Variants in MNAT1 observed in about 807,000 individuals in gnomAD.
MNAT1 encodes CDK-activating kinase assembly factor MAT1.
MNAT1 carries 43 observed loss-of-function variants against 42.0 expected under a neutral mutation model. The ratio of observed to expected loss-of-function variants is 1.02; its 90% CI spans 0.80 to 1.32. MNAT1 has a LOEUF of 1.32. Among genes scored for constraint, MNAT1 ranks in the 40% most tolerant of loss-of-function variants. The pLI, the probability that MNAT1 is intolerant of heterozygous loss-of-function variation, is 0.00. For synonymous variants in MNAT1, 118 were observed against 120.0 expected (o/e 0.98, Z 0.11); for missense variants, 306 against 350.4 (o/e 0.87, Z 1.01).
At chr14:60,897,512 A>C (rs2034981490) in intron 7 of MNAT1, among the ~76,000 whole-genome samples, 2 of 152,098 alleles carry the variant, frequency 1.3e-5, no homozygotes, top group African/African-American at 4.8e-5. Context: ...TTTATGATAA[A>C]ATATCTTTAT....
At chr14:60,841,579 C>T (rs1566789809) in intron 6 of MNAT1, among the ~76,000 whole-genome samples, 1 of 152,136 alleles carries the variant, frequency 6.6e-6, no homozygotes. Flanking sequence ...GTATTAATAT[C>T]CTTGTCCTGC....
At chr14:60,746,587 A>G (rs369753334) in intron 1 of MNAT1, among the ~76,000 whole-genome samples, 19 of 151,096 alleles carry the variant, frequency 1.3e-4, no homozygotes, top group African/African-American at 3.9e-4. Context: ...TAATAAAACT[A>G]TTCGTATTAG....
intron 7 of MNAT1, among the ~76,000 whole-genome samples, chr14:60,913,080 C>T (rs1163485039): frequency 6.6e-6 from 1 of 152,132 alleles, no homozygotes; most frequent in South Asian, 2.1e-4. Context: ...TTCATTTCAT[C>T]TTCCACCGCT....
chr14:60,830,184 A>T (rs1355107381), intron 6 of MNAT1, among the ~76,000 whole-genome samples: 2 of 152,222 alleles, frequency 1.3e-5, no homozygotes. Context: ...TTTCACATTT[A>T]AAAATGAGTA....
chr14:60,749,842 C>A (rs1277004242), intron 1 of MNAT1, among the ~76,000 whole-genome samples: 1 of 152,134 alleles, frequency 6.6e-6, no homozygotes, highest in East Asian at 1.9e-4. Context: ...TGATTTTCTT[C>A]AGGTTTCAAA....
chr14:60,920,195 C>T (rs72722300), intron 7 of MNAT1: 4,824 of 151,974 alleles, frequency 0.032, 115 homozygotes, highest in Non-Finnish European at 0.05. Flanking sequence ...CAGCAGAGCC[C>T]AAGCCCACCA....
At chr14:60,945,894 A>T (rs1042459004) in intron 7 of MNAT1, among the ~76,000 whole-genome samples, 2 of 152,058 alleles carry the variant, frequency 1.3e-5, no homozygotes, top group Admixed American at 6.6e-5. Flanking sequence ...CCCTCTTTAT[A>T]CTCAGCAACT....
rs749276295 is a variant in MNAT1, at chr14:60,767,464, T to G, written c.90-28753T>G. Among the ~76,000 whole-genome samples the G allele has an allele frequency of 3.7e-4, 56 of 152,230 alleles. 1 individual carries two copies. The highest frequency in any genetic ancestry group is 3.7e-3 in the Admixed American group (56 of 15,282). Reference sequence around the variant, plus strand: ...AGTTTTGGGGCCTATTTTAAGGGACTTAAGATACATAGAGGATGGCTGAAG... The same window carrying G: ...AGTTTTGGGGCCTATTTTAAGGGACGTAAGATACATAGAGGATGGCTGAAG... On this transcript the variant is annotated intron_variant, in intron 1 of 7. Transcript: ENST00000261245.
Position 60,760,401 on chromosome 14 carries a change from G to A in MNAT1, c.89+25450G>A, listed in dbSNP as rs964145377. Among the ~76,000 whole-genome samples the A allele has an allele frequency of 4.6e-5, 7 of 151,922 alleles. No individual in the cohort carries two copies. The East Asian group carries it at 9.6e-4, about 21-fold the overall frequency. On this transcript the variant is annotated intron_variant, in intron 1 of 7. Coordinates refer to ENST00000261245, the MANE Select transcript of MNAT1 (RefSeq NM_002431.4). ...AGTGCCTTTCCCCCACCACACTTGC[G>A]TAACATGCAGGATTTCATAAAGGCT...
At chr14:60,789,214 A>G (rs2031742785) in intron 1 of MNAT1, among the ~76,000 whole-genome samples, 1 of 152,116 alleles carries the variant, frequency 6.6e-6, no homozygotes, top group Admixed American at 6.5e-5. Flanking sequence ...AGTTGGAGGA[A>G]CAGTCAGTTG....
At chr14:60,885,863 A>G (rs967889331) in intron 7 of MNAT1, among the ~76,000 whole-genome samples, 8 of 151,786 alleles carry the variant, frequency 5.3e-5, no homozygotes, top group Admixed American at 2.0e-4. Context: ...GATCTTTCTC[A>G]CTATGTTTTC....
At chr14:60,943,041 T>C (rs866275289) in intron 7 of MNAT1, among the ~76,000 whole-genome samples, 6 of 107,158 alleles carry the variant, frequency 5.6e-5, no homozygotes, top group East Asian at 2.4e-4. Flanking sequence ...TGTGTGTGTG[T>C]GTGTGTGTGC....
intron 1 of MNAT1, among the ~76,000 whole-genome samples, chr14:60,788,369 G>C (rs987973491): frequency 4.6e-5 from 7 of 152,110 alleles, no homozygotes; most frequent in Non-Finnish European, 8.8e-5. Context: ...TCCATTTATA[G>C]AGCACAGGCA....
intron 3 of MNAT1, among the ~76,000 whole-genome samples, chr14:60,807,735 A>T (rs1340730623): frequency 1.3e-5 from 2 of 152,128 alleles, no homozygotes; most frequent in Non-Finnish European, 2.9e-5. Context: ...TGGTTCTCTT[A>T]AGAAATTCTT....
chr14:60,917,785 G>C (rs1337414924), intron 7 of MNAT1, among the ~76,000 whole-genome samples: 1 of 151,914 alleles, frequency 6.6e-6, no homozygotes, highest in African/African-American at 2.4e-5. Context: ...ACCACACCCG[G>C]CTAACTTTTT....
intron 7 of MNAT1, among the ~76,000 whole-genome samples, chr14:60,910,156 A>AT (rs1010718138): frequency 4.6e-5 from 7 of 152,136 alleles, no homozygotes; most frequent in African/African-American, 1.7e-4. Context: ...AATGCTTGTG[A>AT]TTTTTGTACA....
intron 1 of MNAT1, among the ~76,000 whole-genome samples, chr14:60,776,792 T>C (rs2031269016): frequency 6.6e-6 from 1 of 152,176 alleles, no homozygotes; most frequent in Non-Finnish European, 1.5e-5. Context: ...GTACAACATT[T>C]AAATTTAAAT....
intron 6 of MNAT1, among the ~76,000 whole-genome samples, chr14:60,850,738 T>C (rs1284909480): frequency 6.6e-6 from 1 of 152,128 alleles, no homozygotes; most frequent in Admixed American, 6.5e-5. Context: ...GATAACATGG[T>C]AGATTAACTT....
At chr14:60,834,137 A>AT (rs79946638) in intron 6 of MNAT1, among the ~76,000 whole-genome samples, 14 of 151,884 alleles carry the variant, frequency 9.2e-5, no homozygotes, top group Middle Eastern at 3.4e-3. Flanking sequence ...GTATTCATTG[A>AT]TTTTTTTGAA....
Sources: allele counts gnomAD v4.1 joint callset (sites outside exome capture counted in the v4.1 genomes callset), GRCh38; gene constraint gnomAD v4.1.1; transcripts MANE v1.5; gene names NCBI Gene and HGNC (gene_info 2026-07-23, HGNC 2026-07-21).